Variants in YOD1 observed in about 807,000 individuals in gnomAD.
YOD1 encodes YOD1 deubiquitinase, also known as ubiquitin thioesterase OTU1.
YOD1 carries 17 observed loss-of-function variants against 23.7 expected under a neutral mutation model. That is an observed-to-expected ratio of 0.72 (90% CI 0.49 to 1.07). The LOEUF (loss-of-function observed/expected upper bound fraction) is 1.07, where lower values mean the gene tolerates loss of function less well. Ranked by LOEUF, YOD1 falls within the 50% of genes least tolerant of loss-of-function variation. The pLI, the probability that YOD1 is intolerant of heterozygous loss-of-function variation, is 0.00. For synonymous variants in YOD1, 191 were observed against 169.6 expected (o/e 1.13, Z -0.98); for missense variants, 413 against 447.2 (o/e 0.92, Z 0.69).
Position 207,050,831 on chromosome 1 carries a change from G to A in YOD1, c.200C>T (p.Thr67Ile). 6.2e-7 allele frequency: 1 copy of A among 1,613,094 alleles called. No homozygotes were observed. Among genetic ancestry groups the A allele is most frequent in the Non-Finnish European group, 8.5e-7 (1 of 1,179,960 alleles). ...TTGGCCCTGGAGTTCCCGCACCCGG[G>A]TCCGGCTGGACAGCCCCTGCAAAAC... ...THVLQGLSSR[T>I]RVRELQGQIA... Residue 67 changes from threonine (T) to isoleucine (I), a missense_variant, in exon 1 of 2, where the codon ACC (threonine) becomes ATC (isoleucine). Physicochemically the swap from Thr to Ile is moderately conservative, Grantham distance 89 (BLOSUM62 -1). Coordinates refer to ENST00000315927, the MANE Select transcript of YOD1 (RefSeq NM_018566.4).
Position 207,050,916 on chromosome 1 carries a change from C to T in YOD1, c.115G>A (p.Val39Met), listed in dbSNP as rs770180166. The T allele has an allele frequency of 4.4e-6, 7 of 1,598,926 alleles. No homozygotes were observed. The Admixed American group carries it at 6.9e-5, about 16-fold the overall frequency. ...TKAGPAGAWP[V>M]GSRTDTMWRL... is the part of the protein sequence containing the mutation. ...CACATCGTGTCGGTCCGGCTGCCCA[C>T]AGGCCAGGCACCCGCGGGGCCAGCT... Residue 39 changes from valine (V) to methionine (M), a missense_variant, in exon 1 of 2, where the codon GTG (valine) becomes ATG (methionine). Val to Met is a conservative substitution (Grantham distance 21, BLOSUM62 1). Transcript: ENST00000315927.
In YOD1 at chr1:207,051,062, C is replaced by T; in HGVS notation, c.-32G>A. ...AAGTTGCGGGTGGTTGCAGTTATCG[C>T]GACGCTTCGGTGCGGCTTCTGCCTT... On this transcript the variant is annotated 5_prime_UTR_variant, in exon 1 of 2. Coordinates refer to ENST00000315927, the MANE Select transcript of YOD1 (RefSeq NM_018566.4). 2 of 1,471,940 alleles carry T rather than the reference C, an allele frequency of 1.4e-6. No homozygotes were observed. The highest frequency in any genetic ancestry group is 1.8e-6 in the Non-Finnish European group (2 of 1,114,402). 91.2% of individuals were successfully genotyped at this position (1,471,940 alleles called of 1,614,324 possible). A position where few individuals can be genotyped will look rare whatever the true frequency, so the allele number is the denominator to read the frequency against.
At position 207,045,641 on chromosome 1, in the gene YOD1, C is replaced by T. The variant is rs377455616; in HGVS notation, c.*3379G>A. 4 of 152,024 alleles carry T rather than the reference C, an allele frequency of 2.6e-5. No homozygotes were observed. The highest frequency in any genetic ancestry group is 1.9e-4 in the East Asian group (1 of 5,178). 9.4% of individuals were successfully genotyped at this position (152,024 alleles called of 1,614,324 possible). On this transcript the variant is annotated 3_prime_UTR_variant, in exon 2 of 2. Coordinates refer to ENST00000315927, the MANE Select transcript of YOD1 (RefSeq NM_018566.4). The stretch of plus-strand genomic sequence containing the variant: ...CTCTTGCTTAATCTTGCATACTTCC[C>T]ATTCCATTTTTTTTCCCAAAAAGAT...
At position 207,044,039 on chromosome 1, in the gene YOD1, T is replaced by C. The variant is rs1638718806; in HGVS notation, c.*4981A>G. On this transcript the variant is annotated 3_prime_UTR_variant, in exon 2 of 2. Transcript: ENST00000315927. Reference sequence around the variant, plus strand: ...TATTACTTCAAAAAATGCTGGCAAATAGGCAAAACATTTTTAAAACAAGAA... The same window carrying C: ...TATTACTTCAAAAAATGCTGGCAAACAGGCAAAACATTTTTAAAACAAGAA... The C allele has an allele frequency of 6.6e-6, 1 of 152,524 alleles. No homozygotes were observed. The highest frequency in any genetic ancestry group is 2.1e-4 in the South Asian group (1 of 4,838). The allele number at this position is 152,524 out of a possible 1,614,324, so 9.4% of individuals were successfully genotyped here.
intron 1 of YOD1, 24 bp from the exon 2 acceptor site, chr1:207,049,747 G>C: frequency 6.3e-7 from 1 of 1,579,110 alleles, no homozygotes; most frequent in Admixed American, 1.8e-5. Flanking sequence ...AACAAATCCC[G>C]ATCTGCAAAG....
At position 207,051,207 on chromosome 1, in the gene YOD1, G is replaced by A; in HGVS notation, c.-177C>T. 8.0e-7 allele frequency: 1 copy of A among 1,254,626 alleles called. No homozygotes were observed. Among genetic ancestry groups the A allele is most frequent in the Non-Finnish European group, 1.0e-6 (1 of 956,342 alleles). 77.7% of individuals were successfully genotyped at this position (1,254,626 alleles called of 1,614,324 possible). On this transcript the variant is annotated 5_prime_UTR_variant, in exon 1 of 2. Transcript: ENST00000315927. ...ACGGGTCTTGCTACCTATAGAGCGA[G>A]TGAGGTGCCCTCCGCGTGGGTAGCA... is the stretch of plus-strand genomic sequence containing the variant.
Position 207,049,119 on chromosome 1 carries a change from G to A in YOD1, c.948C>T (p.Phe316=). 1 of 1,614,018 alleles carries A rather than the reference G, an allele frequency of 6.2e-7. No individual in the cohort carries two copies. The highest frequency in any genetic ancestry group is 8.5e-7 in the Non-Finnish European group (1 of 1,180,000). The change falls in exon 2 of 2, where the codon TTC becomes TTT. Residue 316 remains phenylalanine, a synonymous_variant. Coordinates refer to ENST00000315927, the MANE Select transcript of YOD1 (RefSeq NM_018566.4). ...TCTGACATACCATGCATCTCAGGGT[G>A]AAGCGGTTGACATCAGTAAACTGTC... is the stretch of plus-strand genomic sequence containing the variant. ...RRRQFTDVNR[F]TLRCMVCQKG...
chr1:207,050,649 C>A (rs202149100), intron 1 of YOD1, 39 bp downstream of exon 1: 1 of 1,606,508 alleles, frequency 6.2e-7, no homozygotes, highest in Admixed American at 1.7e-5. Flanking sequence ...CCTCTCCATC[C>A]TCCCGGGACT....
chr1:207,044,825 TCA>T lies in YOD1; in HGVS notation c.*4193_*4194del, dbSNP rs763240422. On this transcript the variant is annotated 3_prime_UTR_variant, in exon 2 of 2. Coordinates refer to ENST00000315927, the MANE Select transcript of YOD1 (RefSeq NM_018566.4). ...TTGTCTTCTTGGCCCTTTTCTCCCT[TCA>T]CTCTACCATGAGGGGGTTACCAACC... 2 of 152,510 alleles carry T rather than the reference TCA, an allele frequency of 1.3e-5. No individual in the cohort carries two copies. The highest frequency in any genetic ancestry group is 1.5e-5 in the Non-Finnish European group (1 of 67,948). The allele number at this position is 152,510 out of a possible 1,614,324, so 9.4% of individuals were successfully genotyped here. A position where few individuals can be genotyped will look rare whatever the true frequency, so the allele number is the denominator to read the frequency against.
In YOD1 at chr1:207,049,416, G is replaced by C. The variant is rs1331495795; in HGVS notation, c.651C>G (p.Asp217Glu). 2 of 1,614,128 alleles carry C rather than the reference G, an allele frequency of 1.2e-6. No individual in the cohort carries two copies. Among genetic ancestry groups the C allele is most frequent in the Non-Finnish European group, 8.5e-7 (1 of 1,180,032 alleles). ...ATATCTCTATTGCTCCTCCCCAAGT[G>C]TCATCCCTTTTGATCCAGTCACAGT... ...QEYCDWIKRD[D>E]TWGGAIEISI... Residue 217 changes from aspartate to glutamate, a missense_variant, in exon 2 of 2, where the codon GAC becomes GAG. Asp to Glu is a conservative substitution (Grantham distance 45). Coordinates refer to ENST00000315927, the MANE Select transcript of YOD1 (RefSeq NM_018566.4).
chr1:207,052,322 G>A, upstream of YOD1: 2 of 1,184,430 alleles, frequency 1.7e-6, no homozygotes, highest in Non-Finnish European at 2.5e-6. Context: ...GGATGATACA[G>A]CCTGGGTTAG....
Position 207,047,576 on chromosome 1 carries a change from G to T in YOD1, c.*1444C>A, listed in dbSNP as rs1682629393. 6.6e-6 allele frequency: 1 copy of T among 152,610 alleles called. No individual in the cohort carries two copies. Among genetic ancestry groups the T allele is most frequent in the African/African-American group, 2.4e-5 (1 of 41,452 alleles). 9.5% of individuals were successfully genotyped at this position (152,610 alleles called of 1,614,324 possible). On this transcript the variant is annotated 3_prime_UTR_variant, in exon 2 of 2. Transcript: ENST00000315927. ...CATTAAGCCTCTTCACATTATGTGA[G>T]ATAATACATAACAAATTATAATTTA...
rs1682743002 is a variant in YOD1, at chr1:207,051,162, C to T, written c.-132G>A. On this transcript the variant is annotated 5_prime_UTR_variant, in exon 1 of 2. Coordinates refer to ENST00000315927, the MANE Select transcript of YOD1 (RefSeq NM_018566.4). ...CCACCCTCAGAACGAAGATGTAAAC[C>T]TCCGTATTCCTAAAGGACAACGGGT... 4.9e-6 allele frequency: 7 copies of T among 1,415,254 alleles called. No homozygotes were observed. The highest frequency in any genetic ancestry group is 6.4e-6 in the Non-Finnish European group (7 of 1,088,618). 87.7% of individuals were successfully genotyped at this position (1,415,254 alleles called of 1,614,324 possible).
Position 207,047,971 on chromosome 1 carries a change from AAT to A in YOD1, c.*1047_*1048del, listed in dbSNP as rs1437249324. 1.3e-5 allele frequency: 2 copies of A among 152,214 alleles called. No individual in the cohort carries two copies. Among genetic ancestry groups the A allele is most frequent in the African/African-American group, 2.4e-5 (1 of 41,432 alleles). The allele number at this position is 152,214 out of a possible 1,614,324, so 9.4% of individuals were successfully genotyped here. ...GCAAACACTCTTTAGGTGTGCAAAA[AAT>A]CTTACAAAAACCAACCCAAAGCAGA... On this transcript the variant is annotated 3_prime_UTR_variant, in exon 2 of 2. Coordinates refer to ENST00000315927, the MANE Select transcript of YOD1 (RefSeq NM_018566.4).
At chr1:207,052,066 T>C (rs960384713), upstream of YOD1, 31 of 799,078 alleles carry the variant, frequency 3.9e-5, no homozygotes, top group Middle Eastern at 2.4e-4. Context: ...ATACTCATTG[T>C]TCTTTATCCA....
Position 207,050,783 on chromosome 1 carries a change from G to C in YOD1, c.248C>G (p.Ala83Gly). The change falls in exon 1 of 2, where the codon GCC (alanine) becomes GGC (glycine). Residue 83 changes from alanine to glycine, a missense_variant. By Grantham distance (60) the Ala-to-Gly change is moderately conservative. Transcript: ENST00000315927. Reference protein sequence around the residue: ...QGQIAAITGIAPGGQRILVGY... With the variant: ...QGQIAAITGIGPGGQRILVGY... ...GACGAGGATTCGCTGACCGCCGGGG[G>C]CGATCCCGGTGATGGCGGCAATTTG... is the stretch of plus-strand genomic sequence containing the variant. 1.5e-5 allele frequency: 24 copies of C among 1,613,460 alleles called. No homozygotes were observed. The highest frequency in any genetic ancestry group is 2.0e-5 in the Non-Finnish European group (24 of 1,180,026).
rs1332988280 is a variant in YOD1 at position 207,050,767 on chromosome 1, T to C, written c.264A>G (p.Arg88=). Residue 88 remains arginine (R), a synonymous_variant, in exon 1 of 2, where the codon CGA becomes CGG. Coordinates refer to ENST00000315927, the MANE Select transcript of YOD1 (RefSeq NM_018566.4). The stretch of plus-strand genomic sequence containing the variant: ...ACTCGGGAGGGTATCCGACGAGGAT[T>C]CGCTGACCGCCGGGGGCGATCCCGG... ...AITGIAPGGQ[R]ILVGYPPECL... is the part of the protein sequence containing the mutation. 6 of 1,613,296 alleles carry C rather than the reference T, an allele frequency of 3.7e-6. No homozygotes were observed. Among genetic ancestry groups the C allele is most frequent in the Non-Finnish European group, 5.1e-6 (6 of 1,180,028 alleles).
In YOD1 at chr1:207,046,416, A is replaced by C. The variant is rs1282792097; in HGVS notation, c.*2604T>G. ...AACAAACAAAAAGCAAACCCCTGTA[A>C]ATTCTGTGAGGCTTAAAAGCTTGAG... On this transcript the variant is annotated 3_prime_UTR_variant, in exon 2 of 2. Transcript: ENST00000315927. The C allele has an allele frequency of 6.6e-6, 1 of 152,124 alleles. No homozygotes were observed. Among genetic ancestry groups the C allele is most frequent in the Non-Finnish European group, 1.5e-5 (1 of 67,950 alleles). The allele number at this position is 152,124 out of a possible 1,614,324, so 9.4% of individuals were successfully genotyped here.
Position 207,048,663 on chromosome 1 carries a change from C to A in YOD1, c.*357G>T, listed in dbSNP as rs901009384. 1 of 211,360 alleles carries A rather than the reference C, an allele frequency of 4.7e-6. No individual in the cohort carries two copies. The highest frequency in any genetic ancestry group is 2.3e-5 in the African/African-American group (1 of 42,566). The allele number at this position is 211,360 out of a possible 1,614,324, so 13.1% of individuals were successfully genotyped here. On this transcript the variant is annotated 3_prime_UTR_variant, in exon 2 of 2. Coordinates refer to ENST00000315927, the MANE Select transcript of YOD1 (RefSeq NM_018566.4). ...GTATGCCCAGTGGACTCACAGGAGG[C>A]CTTCCACATTACCCAAAATGTGATG...
Sources: allele counts gnomAD v4.1 joint callset, GRCh38; gene constraint gnomAD v4.1.1; transcripts MANE v1.5; gene names NCBI Gene and HGNC (gene_info 2026-07-23, HGNC 2026-07-21).